RREB1: variants seen among roughly 807,000 people sequenced by gnomAD.
RREB1 encodes the protein ras responsive element binding protein 1.
RREB1 carries 27 observed loss-of-function variants against 117.8 expected under a neutral mutation model. The observed-to-expected ratio is 0.23, with a 90% CI of 0.17 to 0.32. The LOEUF (loss-of-function observed/expected upper bound fraction) is 0.32, where lower values mean the gene tolerates loss of function less well. Among genes scored for constraint, RREB1 ranks in the 10% least tolerant of loss-of-function variants. RREB1 has a pLI of 1.00. For synonymous variants in RREB1, 1,298 were observed against 1,026.7 expected (o/e 1.26, Z -5.05); for missense variants, 2,577 against 2,378.2 (o/e 1.08, Z -1.74).
At chr6:7,157,979 G>A (rs1425732513) in intron 1 of RREB1, among the ~76,000 whole-genome samples, 1 of 152,038 alleles carries the variant, frequency 6.6e-6, no homozygotes, top group African/African-American at 2.4e-5. Flanking sequence ...GTTCTCATCA[G>A]TGACCCTGCT....
In RREB1 at chr6:7,246,757, C is replaced by G. The variant is rs533475141; in HGVS notation, c.4307C>G (p.Ala1436Gly). The change falls in exon 12 of 13, where the codon GCA (alanine) becomes GGA (glycine). Residue 1436 changes from alanine to glycine, a missense_variant. By Grantham distance (60) the Ala-to-Gly change is moderately conservative. Coordinates refer to ENST00000379938, the MANE Select transcript of RREB1 (RefSeq NM_001003699.4). The part of the protein sequence containing the change: ...DFKLAEGDGE[A>G]GAGGAASQEQ... ...AAGCTGGCGGAGGGCGACGGCGAGGCAGGCGCCGGGGGCGCGGCCTCGCAG... is the reference window on the plus strand; with the variant it reads ...AAGCTGGCGGAGGGCGACGGCGAGGGAGGCGCCGGGGGCGCGGCCTCGCAG... 6.4e-7 allele frequency: 1 copy of G among 1,565,838 alleles called. No individual in the cohort carries two copies. The highest frequency in any genetic ancestry group is 8.6e-7 in the Non-Finnish European group (1 of 1,156,526).
At chr6:7,157,454 G>T (rs1015587127) in intron 1 of RREB1, among the ~76,000 whole-genome samples, 2 of 151,430 alleles carry the variant, frequency 1.3e-5, no homozygotes, top group African/African-American at 4.9e-5. Context: ...AAAATTGAGT[G>T]CCTACTGTGT....
rs776846394 is a variant in RREB1, at chr6:7,247,193, C to T, written c.4743C>T (p.Asp1581=). The T allele has an allele frequency of 2.5e-6, 4 of 1,613,594 alleles. No homozygotes were observed. In the South Asian group the frequency reaches 4.4e-5, roughly 18 times the overall value. The change falls in exon 12 of 13, where the codon GAC becomes GAT. Residue 1581 remains aspartate (D), a synonymous_variant. Coordinates refer to ENST00000379938, the MANE Select transcript of RREB1 (RefSeq NM_001003699.4). Reference sequence around the variant, plus strand: ...ACAAGCGGTTCTGGTCGCTGCAGGACCTGACCCGGCACATGCGCTCCCACA... The same window carrying T: ...ACAAGCGGTTCTGGTCGCTGCAGGATCTGACCCGGCACATGCGCTCCCACA... The part of the protein sequence containing the change: ...VCNKRFWSLQ[D]LTRHMRSHTG...
intron 6 of RREB1, among the ~76,000 whole-genome samples, chr6:7,192,217 G>A (rs191107051): frequency 7.2e-5 from 10 of 138,970 alleles, no homozygotes; most frequent in Admixed American, 5.3e-4. Context: ...TTTTGAGATA[G>A]AGTCTCATTC....
chr6:7,136,213 G>GA (rs1401579878), intron 1 of RREB1, among the ~76,000 whole-genome samples: 1 of 152,156 alleles, frequency 6.6e-6, no homozygotes, highest in Non-Finnish European at 1.5e-5. Flanking sequence ...AGTTTGATTT[G>GA]AAAAGGGACT....
chr6:7,137,388 G>C (rs75062200), intron 1 of RREB1, among the ~76,000 whole-genome samples: 6,242 of 152,342 alleles, frequency 0.041, 172 homozygotes, highest in Middle Eastern at 0.068. Flanking sequence ...TCTCAGGACA[G>C]ACAGACCAAG....
Position 7,229,184 on chromosome 6 carries a change from G to A in RREB1, c.1085G>A (p.Gly362Asp), listed in dbSNP as rs1195412752. ...PLPGDALDQK[G>D]FLALLGLQHT... Reference sequence around the variant, plus strand: ...CCTGGTGACGCCCTGGACCAGAAGGGCTTCCTGGCCTTGCTTGGCCTGCAG... The same window carrying A: ...CCTGGTGACGCCCTGGACCAGAAGGACTTCCTGGCCTTGCTTGGCCTGCAG... The change falls in exon 10 of 13, where the codon GGC becomes GAC. Residue 362 changes from glycine to aspartate, a missense_variant. Gly to Asp is a moderately conservative substitution (Grantham distance 94). Transcript: ENST00000379938. This position sits in a 1 kb window ranked among gnomAD's most constrained non-coding sequence, Gnocchi z 4.5. 1.2e-6 allele frequency: 2 copies of A among 1,610,656 alleles called. No homozygotes were observed. Among genetic ancestry groups the A allele is most frequent in the Non-Finnish European group, 1.7e-6 (2 of 1,177,486 alleles).
Position 7,126,091 on chromosome 6 carries a change from T to C in RREB1, c.-285+18031T>C, listed in dbSNP as rs183628998. ...ATCTCGGCTCACTGCAACCTCCGCC[T>C]CCCGGGTTCAAGTGATTCTCCTGCC... On this transcript the variant is annotated intron_variant, in intron 1 of 12. Coordinates refer to ENST00000379938, the MANE Select transcript of RREB1 (RefSeq NM_001003699.4). Among the ~76,000 whole-genome samples, 1,478 of 152,296 alleles carry C rather than the reference T, an allele frequency of 9.7e-3. 30 individuals are homozygous for C. The highest frequency in any genetic ancestry group is 0.034 in the African/African-American group (1,395 of 41,542).
intron 1 of RREB1, among the ~76,000 whole-genome samples, chr6:7,168,434 C>T (rs1003287131): frequency 4.6e-5 from 7 of 152,168 alleles, no homozygotes; most frequent in Non-Finnish European, 1.0e-4. Flanking sequence ...AGTCTTCTAA[C>T]CTGGTCTCCC....
At chr6:7,112,734 A>G (rs1471047017) in intron 1 of RREB1, among the ~76,000 whole-genome samples, 1 of 152,242 alleles carries the variant, frequency 6.6e-6, no homozygotes, top group African/African-American at 2.4e-5. Context: ...TTTCATTACT[A>G]CGGAGGTAAA....
rs1242557321 is a variant in RREB1 at position 7,181,990 on chromosome 6, G to A, written c.79G>A (p.Val27Ile). The change falls in exon 4 of 13, where the codon GTA becomes ATA. Residue 27 changes from valine to isoleucine, a missense_variant. By Grantham distance (29) the Val-to-Ile change is conservative. Coordinates refer to ENST00000379938, the MANE Select transcript of RREB1 (RefSeq NM_001003699.4). ...INTMMSAVMS[V>I]GKVTENGGSP... ...CACCATGATGTCGGCGGTCATGAGT[G>A]TAGGGAAGGTCACAGAGAATGGCGG... 8 of 1,614,088 alleles carry A rather than the reference G, an allele frequency of 5.0e-6. No homozygotes were observed. In the Admixed American group the frequency reaches 5.0e-5, roughly 10 times the overall value.
rs567952024 is a variant in RREB1 at position 7,246,507 on chromosome 6, G to A, written c.4057G>A (p.Gly1353Ser). Residue 1353 changes from glycine (G) to serine (S), a missense_variant, in exon 12 of 13, where the codon GGC (glycine) becomes AGC (serine). Gly to Ser is a moderately conservative substitution (Grantham distance 56). Transcript: ENST00000379938. ...ACGGGACAGAGAGCAGCCGTCGGAG[G>A]GCGCCACTGAGCTCCGCCAGGTCGC... ...TSRDREQPSE[G>S]ATELRQVAGD... 2.1e-5 allele frequency: 32 copies of A among 1,545,722 alleles called. No individual in the cohort carries two copies. Among genetic ancestry groups the A allele is most frequent in the Admixed American group, 1.6e-4 (8 of 50,928 alleles).
chr6:7,227,826 G>A (rs1767676117), intron 9 of RREB1, among the ~76,000 whole-genome samples: 1 of 152,166 alleles, frequency 6.6e-6, no homozygotes, highest in Non-Finnish European at 1.5e-5. Context: ...AGCACTTTGG[G>A]AGGCCAAGGC....
At position 7,230,351 on chromosome 6, in the gene RREB1, C is replaced by A. The variant is rs141939002; in HGVS notation, c.2252C>A (p.Pro751Gln). The A allele has an allele frequency of 1.3e-6, 2 of 1,591,180 alleles. No individual in the cohort carries two copies. Among genetic ancestry groups the A allele is most frequent in the Non-Finnish European group, 8.5e-7 (1 of 1,173,700 alleles). ...GAGCTGGTGGACGCCTTCTGCGCCC[C>A]GGACACCGTGTGCCGGCTGTGCGGC... Reference protein sequence around the residue: ...AAELVDAFCAPDTVCRLCGED... With the variant: ...AAELVDAFCAQDTVCRLCGED... The change falls in exon 10 of 13, where the codon CCG (proline) becomes CAG (glutamine). Residue 751 changes from proline to glutamine, a missense_variant. Coordinates refer to ENST00000379938, the MANE Select transcript of RREB1 (RefSeq NM_001003699.4).
chr6:7,246,080 G>C (rs1768998603), intron 11 of RREB1, among the ~76,000 whole-genome samples: 2 of 152,180 alleles, frequency 1.3e-5, no homozygotes, highest in African/African-American at 4.8e-5. Context: ...CGAGTCTCTG[G>C]AATGCACCCC....
chr6:7,119,880 A>G (rs1438670835), intron 1 of RREB1, among the ~76,000 whole-genome samples: 2 of 152,110 alleles, frequency 1.3e-5, no homozygotes, highest in African/African-American at 4.8e-5. Flanking sequence ...GTGGCAGTAG[A>G]AAAAGGGAGC....
At chr6:7,108,516 C>G (rs1683276832) in intron 1 of RREB1, 2 of 152,174 alleles carry the variant, frequency 1.3e-5, no homozygotes, top group African/African-American at 4.8e-5. Context: ...ACCGCCGGGA[C>G]TCGGATGGTG....
intron 1 of RREB1, among the ~76,000 whole-genome samples, chr6:7,159,509 A>C (rs750016929): frequency 3.5e-4 from 54 of 152,230 alleles, no homozygotes; most frequent in Non-Finnish European, 7.3e-4. Flanking sequence ...TATTACAGGC[A>C]CTGGGCGGAT....
At chr6:7,179,192 G>A (rs1312480209) in intron 2 of RREB1, among the ~76,000 whole-genome samples, 1 of 152,070 alleles carries the variant, frequency 6.6e-6, no homozygotes, top group Non-Finnish European at 1.5e-5. Flanking sequence ...TAGTCTTAAA[G>A]GTGTTTAACC....
Sources: allele counts gnomAD v4.1 joint callset (sites outside exome capture counted in the v4.1 genomes callset), GRCh38; gene constraint gnomAD v4.1.1; non-coding constraint Gnocchi (gnomAD v3.1); transcripts MANE v1.5; gene names NCBI Gene and HGNC (gene_info 2026-07-23, HGNC 2026-07-21).